Variants in PCDH7 observed in about 807,000 individuals in gnomAD.
PCDH7 encodes the protein protocadherin-7.
PCDH7 carries 17 observed loss-of-function variants against 58.9 expected under a neutral mutation model. The ratio of observed to expected loss-of-function variants is 0.29; its 90% CI spans 0.20 to 0.43. The LOEUF (loss-of-function observed/expected upper bound fraction) is 0.43, where lower values mean the gene tolerates loss of function less well. Ranked by LOEUF, PCDH7 falls within the 20% of genes least tolerant of loss-of-function variation. PCDH7 has a pLI of 1.00. For missense variants in PCDH7, 1,274 were observed against 1,441.0 expected, an observed-to-expected ratio of 0.88 and a Z score of 1.88; for synonymous variants, 664 against 616.4, an observed-to-expected ratio of 1.08 and a Z score of -1.14.
At chr4:31,142,418 G>T in intron 3 of PCDH7, 55 bp from the exon 3 acceptor site, 2 of 1,298,672 alleles carry the variant, frequency 1.5e-6, no homozygotes, top group East Asian at 4.6e-5. Flanking sequence ...ATATAGATCA[G>T]GGGAGCCTGT....
At chr4:30,728,854 ACT>A (rs1715035027) in intron 1 of PCDH7, among the ~76,000 whole-genome samples, 1 of 151,198 alleles carries the variant, frequency 6.6e-6, no homozygotes, top group African/African-American at 2.4e-5. Flanking sequence ...TATATCACAA[ACT>A]CTGTACACAC....
chr4:31,003,260 T>C (rs1441135483), intron 3 of PCDH7, among the ~76,000 whole-genome samples: 1 of 152,178 alleles, frequency 6.6e-6, no homozygotes, highest in Non-Finnish European at 1.5e-5. Context: ...ATCTTGACAA[T>C]GAATATGTAC....
At chr4:30,732,388 AT>A (rs1715639396) in exon 2 of PCDH7, 2 of 152,184 alleles carry the variant, frequency 1.3e-5, no homozygotes, top group South Asian at 4.1e-4. Flanking sequence ...TCAAAAACAA[AT>A]TACAGAAAAA....
chr4:30,879,447 T>A (rs1255033509), intron 1 of PCDH7, among the ~76,000 whole-genome samples: 1 of 152,118 alleles, frequency 6.6e-6, no homozygotes, highest in East Asian at 1.9e-4. Context: ...TTAGAGTATT[T>A]TTTTTTGCAA....
chr4:31,086,774 A>G (rs1351521854), intron 3 of PCDH7, among the ~76,000 whole-genome samples: 1 of 152,152 alleles, frequency 6.6e-6, no homozygotes. Context: ...TATGCCAGAT[A>G]AAGATCAGAA....
At chr4:31,020,176 T>G (rs918123885) in intron 3 of PCDH7, among the ~76,000 whole-genome samples, 1 of 152,224 alleles carries the variant, frequency 6.6e-6, no homozygotes, top group African/African-American at 2.4e-5. Flanking sequence ...TTGTAAAAGC[T>G]GAGGATCAAC....
chr4:30,760,764 T>C (rs1386072973), intron 1 of PCDH7, among the ~76,000 whole-genome samples: 2 of 152,168 alleles, frequency 1.3e-5, no homozygotes, highest in African/African-American at 4.8e-5. Context: ...CAAGGGCATC[T>C]GAGCATGGCT....
At chr4:30,855,760 C>T (rs1200871735) in intron 1 of PCDH7, among the ~76,000 whole-genome samples, 1 of 152,026 alleles carries the variant, frequency 6.6e-6, no homozygotes, top group South Asian at 2.1e-4. Context: ...TGTTGCAAAG[C>T]TAGGGGACAG....
At chr4:30,830,638 T>G (rs2109330102) in intron 1 of PCDH7, among the ~76,000 whole-genome samples, 1 of 152,156 alleles carries the variant, frequency 6.6e-6, no homozygotes, top group Non-Finnish European at 1.5e-5. Flanking sequence ...ACACTAATAA[T>G]AATAATAGAA....
rs140313083 is a variant in PCDH7, at chr4:30,955,828, C to T, written c.*7+5613C>T. Among the ~76,000 whole-genome samples the T allele has an allele frequency of 5.5e-3, 840 of 151,956 alleles. 5 individuals are homozygous for T. Among genetic ancestry groups the T allele is most frequent in the Middle Eastern group, 0.017 (5 of 292 alleles). ...CCTCTCAAAGTCCTGGGATTACAGG[C>T]ATAAGCCACCGTGCTCGGCCAAGGC... On this transcript the variant is annotated intron_variant, in intron 3 of 3. Coordinates refer to the PCDH7 transcript ENST00000509759.
chr4:30,848,695 G>A (rs1012764119), intron 1 of PCDH7, among the ~76,000 whole-genome samples: 1 of 152,066 alleles, frequency 6.6e-6, no homozygotes, highest in Non-Finnish European at 1.5e-5. Context: ...TAGCATTTAA[G>A]ACAGCATAGT....
At chr4:30,736,193 T>C (rs1716226930), downstream of PCDH7, among the ~76,000 whole-genome samples, 1 of 152,192 alleles carries the variant, frequency 6.6e-6, no homozygotes, top group African/African-American at 2.4e-5. Flanking sequence ...AACAAAGGCC[T>C]GTTTTTCACT....
At chr4:30,751,355 T>A (rs570710118) in intron 1 of PCDH7, among the ~76,000 whole-genome samples, 34 of 152,350 alleles carry the variant, frequency 2.2e-4, no homozygotes, top group African/African-American at 7.9e-4. Context: ...ACATATCCTT[T>A]GCTAGGCTAT....
Position 31,124,833 on chromosome 4 carries a change from G to A in PCDH7, c.*8-17640G>A, listed in dbSNP as rs114735762. ...ACATAATCTCTTTGATGCTTTGTTT[G>A]CCAGAAATAACTGTCCAAATCATAC... On this transcript the variant is annotated intron_variant, in intron 3 of 3. Transcript: ENST00000509759. Among the ~76,000 whole-genome samples the A allele has an allele frequency of 5.5e-3, 839 of 152,112 alleles. 7 individuals are homozygous for A. The highest frequency in any genetic ancestry group is 8.4e-3 in the Non-Finnish European group (569 of 67,974).
chr4:30,915,655 C>T (rs960645211), intron 1 of PCDH7, among the ~76,000 whole-genome samples: 28 of 152,040 alleles, frequency 1.8e-4, no homozygotes, highest in Admixed American at 7.9e-4. Flanking sequence ...TCCCAAGTAG[C>T]TGGGATTATA....
chr4:31,037,298 A>G (rs530149169), intron 3 of PCDH7, among the ~76,000 whole-genome samples: 1 of 152,328 alleles, frequency 6.6e-6, no homozygotes, highest in African/African-American at 2.4e-5. Flanking sequence ...TAACCTAAAA[A>G]TTGTGAATTA....
rs1714408792 is a variant in PCDH7, at chr4:30,725,007, CT to C, written c.3174+412del. ...TCCAGAGAAAAAGTTTCTAAAGTTA[CT>C]ACTGGTGTCTATGCAAATTGGATTC... On this transcript the variant is annotated intron_variant, in intron 1 of 1. Transcript: ENST00000361762. 3 of 1,012,344 alleles carry C rather than the reference CT, an allele frequency of 3.0e-6. No homozygotes were observed. The African/African-American group carries it at 5.2e-5, about 18-fold the overall frequency. 62.7% of individuals were successfully genotyped at this position (1,012,344 alleles called of 1,614,324 possible).
intron 3 of PCDH7, among the ~76,000 whole-genome samples, chr4:31,083,204 T>C (rs1711840141): frequency 6.6e-6 from 1 of 152,140 alleles, no homozygotes; most frequent in African/African-American, 2.4e-5. Flanking sequence ...AATTCACCAC[T>C]ATTTAATTCA....
chr4:31,073,072 A>G (rs1758685552), intron 3 of PCDH7, among the ~76,000 whole-genome samples: 1 of 152,186 alleles, frequency 6.6e-6, no homozygotes, highest in African/African-American at 2.4e-5. Flanking sequence ...GAGTATGTAA[A>G]TATTATAGTA....
Sources: gnomAD v4.1 joint callset for allele counts (sites outside exome capture counted in the v4.1 genomes callset) on GRCh38, gnomAD v4.1.1 for gene constraint, MANE v1.5 for transcripts, NCBI Gene and HGNC (gene_info 2026-07-23, HGNC 2026-07-21) for gene names.